ZNF536: variants seen among roughly 807,000 people sequenced by gnomAD.
ZNF536 encodes zinc finger protein 536.
ZNF536 carries 13 observed loss-of-function variants against 84.5 expected under a neutral mutation model. That is an observed-to-expected ratio of 0.15 (90% CI 0.10 to 0.24). The LOEUF (loss-of-function observed/expected upper bound fraction) is 0.24. Among genes scored for constraint, ZNF536 ranks in the 10% least tolerant of loss-of-function variants. ZNF536 has a pLI of 1.00. For synonymous variants in ZNF536, 811 were observed against 742.5 expected, an observed-to-expected ratio of 1.09 and a Z score of -1.50; for missense variants, 1,536 against 1,747.5, an observed-to-expected ratio of 0.88 and a Z score of 2.16.
intron 2 of ZNF536, among the ~76,000 whole-genome samples, chr19:30,465,527 G>A (rs1423745296): frequency 6.6e-6 from 1 of 152,126 alleles, no homozygotes; most frequent in Non-Finnish European, 1.5e-5. Context: ...TTATCACATC[G>A]CCAGCACCCA....
chr19:30,336,316 C>T (rs904664635), intron 2 of ZNF536, among the ~76,000 whole-genome samples: 7 of 152,226 alleles, frequency 4.6e-5, no homozygotes, highest in Non-Finnish European at 8.8e-5. Context: ...GTTTCTCCAG[C>T]GCCTGGCACA....
chr19:30,648,259 C>A (rs1175370326), intron 1 of ZNF536, among the ~76,000 whole-genome samples: 1 of 152,220 alleles, frequency 6.6e-6, no homozygotes, highest in Non-Finnish European at 1.5e-5. Flanking sequence ...CCCCAACCTG[C>A]GGCCGCGTGG....
chr19:30,422,435 T>C (rs1457753359), intron 1 of ZNF536, among the ~76,000 whole-genome samples: 4 of 152,178 alleles, frequency 2.6e-5, no homozygotes, highest in African/African-American at 9.7e-5. Context: ...TTACTAGATG[T>C]CAAGTAATAT....
rs574203274 is a variant in ZNF536 at position 30,582,789 on chromosome 19, A to G, written c.169+33275A>G. Among the ~76,000 whole-genome samples the G allele has an allele frequency of 4.6e-5, 7 of 152,230 alleles. No homozygotes were observed. The South Asian group carries it at 1.2e-3, about 27-fold the overall frequency. ...GGAAAGGGAAACCCCTCATAGAACC[A>G]TCAGATGTCGTGGGACTTATTTGCT... On this transcript the variant is annotated intron_variant, in intron 1 of 1. Coordinates refer to the ZNF536 transcript ENST00000592773.
At chr19:30,455,457 T>C (rs1001803140) in intron 2 of ZNF536, among the ~76,000 whole-genome samples, 1 of 152,140 alleles carries the variant, frequency 6.6e-6, no homozygotes, top group Non-Finnish European at 1.5e-5. Context: ...ATTCCAACAC[T>C]TTGGGAGGCC....
At position 30,402,924 on chromosome 19, in the gene ZNF536, G is replaced by T. The variant is rs548079201; in HGVS notation, c.-3+30368G>T. The stretch of plus-strand genomic sequence containing the variant: ...ACCCTGGCCATTTGCAGAGACAAAG[G>T]CTTTATTGTGAGGCCCAAACCCAAA... On this transcript the variant is annotated intron_variant, in intron 1 of 4. Transcript: ENST00000355537. 1.1e-4 allele frequency among the ~76,000 whole-genome samples: 17 copies of T among 151,534 alleles called. No homozygotes were observed. In the East Asian group the frequency reaches 2.3e-3, roughly 21 times the overall value.
intron 1 of ZNF536, among the ~76,000 whole-genome samples, chr19:30,598,928 TCTC>T: frequency 7.0e-6 from 1 of 141,896 alleles, no homozygotes; most frequent in African/African-American, 2.6e-5. Flanking sequence ...TTCTTCCCTT[TCTC>T]CCTCCCTCCC....
rs144194691 is a variant in ZNF536 at position 30,548,865 on chromosome 19, T to C, written c.3246T>C (p.Gly1082=). ...LDSASEKMAQ[G]QLKETLGEQK... Reference sequence around the variant, plus strand: ...CTGCTTCTGAGAAGATGGCCCAAGGTCAGCTCAAGGAGACTCTGGGAGAGC... The same window carrying C: ...CTGCTTCTGAGAAGATGGCCCAAGGCCAGCTCAAGGAGACTCTGGGAGAGC... The change falls in exon 4 of 5, where the codon GGT becomes GGC. Residue 1082 remains glycine (G), a synonymous_variant. Transcript: ENST00000355537. 5.0e-6 allele frequency: 8 copies of C among 1,614,084 alleles called. No individual in the cohort carries two copies. Among genetic ancestry groups the C allele is most frequent in the Non-Finnish European group, 6.8e-6 (8 of 1,180,010 alleles).
chr19:30,566,119 C>T (rs1395975572), intron 1 of ZNF536, among the ~76,000 whole-genome samples: 2 of 152,198 alleles, frequency 1.3e-5, no homozygotes, highest in East Asian at 1.9e-4. Flanking sequence ...TCAGTCGTGG[C>T]CTTTGGGCAG....
At chr19:30,684,380 G>A (rs1458734490) in intron 1 of ZNF536, among the ~76,000 whole-genome samples, 7 of 152,162 alleles carry the variant, frequency 4.6e-5, no homozygotes, top group Non-Finnish European at 8.8e-5. Flanking sequence ...CAAGTGATCC[G>A]CCCGCCTTGG....
At chr19:30,534,414 AT>A (rs996476546) in intron 2 of ZNF536, among the ~76,000 whole-genome samples, 12 of 152,112 alleles carry the variant, frequency 7.9e-5, no homozygotes, top group South Asian at 2.1e-4. Flanking sequence ...GCTGACACAC[AT>A]TTTTTTTAAT....
intron 1 of ZNF536, among the ~76,000 whole-genome samples, chr19:30,601,097 G>C (rs1245617980): frequency 3.9e-5 from 6 of 152,228 alleles, no homozygotes; most frequent in Non-Finnish European, 7.3e-5. Flanking sequence ...TTCCCACAGT[G>C]AGGACGCTGA....
rs59427517 is a variant in ZNF536, at chr19:30,540,441, C to T, written c.2323+5442C>T. On this transcript the variant is annotated intron_variant, in intron 3 of 4. Coordinates refer to ENST00000355537, the MANE Select transcript of ZNF536 (RefSeq NM_014717.3). ...TCAGCCCGCAGGGATGGAGTAACGG[C>T]ACAATAACAGTGATGGTAGTTCCCA... 7.1e-3 allele frequency among the ~76,000 whole-genome samples: 1,074 copies of T among 152,300 alleles called. 17 individuals are homozygous for T. The highest frequency in any genetic ancestry group is 0.024 in the African/African-American group (1,013 of 41,560).
intron 1 of ZNF536, among the ~76,000 whole-genome samples, chr19:30,709,568 G>A (rs2052379879): frequency 6.6e-6 from 1 of 152,206 alleles, no homozygotes; most frequent in African/African-American, 2.4e-5. Flanking sequence ...TGCAGAATTG[G>A]GGTCAGCAAA....
At chr19:30,401,142 T>C (rs978593496) in intron 1 of ZNF536, among the ~76,000 whole-genome samples, 1 of 152,208 alleles carries the variant, frequency 6.6e-6, no homozygotes, top group South Asian at 2.1e-4. Context: ...CTTCATGGAA[T>C]TGCTTTTGCA....
intron 1 of ZNF536, among the ~76,000 whole-genome samples, chr19:30,563,993 G>A (rs1489936421): frequency 6.6e-6 from 1 of 152,132 alleles, no homozygotes; most frequent in Non-Finnish European, 1.5e-5. Flanking sequence ...GCCTGGGATG[G>A]GGGGACCAAG....
At chr19:30,347,119 T>A (rs1355555689) in intron 2 of ZNF536, among the ~76,000 whole-genome samples, 5 of 99,248 alleles carry the variant, frequency 5.0e-5, no homozygotes, top group African/African-American at 1.1e-4. Context: ...TTTTTTTTTT[T>A]TATATGATTC....
chr19:30,438,209 T>C (rs984354172), intron 1 of ZNF536, among the ~76,000 whole-genome samples: 1 of 152,166 alleles, frequency 6.6e-6, no homozygotes, highest in Admixed American at 6.5e-5. Context: ...TAGCAAACAT[T>C]GTACCCTATA....
At chr19:30,350,441 A>T (rs1426471023) in intron 2 of ZNF536, among the ~76,000 whole-genome samples, 3 of 152,260 alleles carry the variant, frequency 2.0e-5, no homozygotes, top group Non-Finnish European at 4.4e-5. Flanking sequence ...TAAATCATGC[A>T]TAATGCAGAA....
Sources: gnomAD v4.1 joint callset for allele counts (sites outside exome capture counted in the v4.1 genomes callset) on GRCh38, gnomAD v4.1.1 for gene constraint, MANE v1.5 for transcripts, NCBI Gene and HGNC (gene_info 2026-07-23, HGNC 2026-07-21) for gene names.